TTYH3: variants seen among roughly 807,000 people sequenced by gnomAD.
TTYH3 encodes the protein tweety family member 3, also known as protein tweety homolog 3.
In TTYH3, 23 loss-of-function variants were observed where a neutral mutation model predicts 68.2. The observed-to-expected ratio is 0.34, with a 90% CI of 0.24 to 0.48. The LOEUF (loss-of-function observed/expected upper bound fraction) is 0.48. TTYH3 is among the 20% of genes least tolerant of loss of function. TTYH3 has a pLI of 0.99. For missense variants in TTYH3, 768 were observed against 727.7 expected, an observed-to-expected ratio of 1.06 and a Z score of -0.64; for synonymous variants, 360 against 332.8, an observed-to-expected ratio of 1.08 and a Z score of -0.89.
Position 2,657,703 on chromosome 7 carries a change from G to A in TTYH3, c.1251-583G>A, listed in dbSNP as rs535665830. ...CGAGTGGGCACTTGAGCCACTGCAC[G>A]TGAGGGGCTTGGCTGGTGGCCCCTG... On this transcript the variant is annotated intron_variant, in intron 11 of 13. Coordinates refer to ENST00000258796, the MANE Select transcript of TTYH3 (RefSeq NM_025250.3). 7.9e-5 allele frequency among the ~76,000 whole-genome samples: 12 copies of A among 152,290 alleles called. No individual in the cohort carries two copies. In the East Asian group the frequency reaches 1.5e-3, roughly 20 times the overall value.
At chr7:2,652,032 T>G (rs1786194614) in intron 7 of TTYH3, among the ~76,000 whole-genome samples, 155 bp from the exon 8 acceptor site, 1 of 152,180 alleles carries the variant, frequency 6.6e-6, no homozygotes, top group Non-Finnish European at 1.5e-5. Flanking sequence ...TGCAGACACA[T>G]GCACATGTGT....
intron 13 of TTYH3, chr7:2,660,648 C>T (rs1311559167): frequency 7.6e-6 from 6 of 789,480 alleles, no homozygotes; most frequent in African/African-American, 3.7e-5. Context: ...CCACCCCCTC[C>T]GTGGCGTCCC....
chr7:2,632,058 G>C lies in TTYH3; in HGVS notation c.-98G>C. 9.1e-7 allele frequency: 1 copy of C among 1,103,500 alleles called. No individual in the cohort carries two copies. Among genetic ancestry groups the C allele is most frequent in the Non-Finnish European group, 1.1e-6 (1 of 883,458 alleles). 68.4% of individuals were successfully genotyped at this position (1,103,500 alleles called of 1,614,324 possible). A position where few individuals can be genotyped will look rare whatever the true frequency, so the allele number is the denominator to read the frequency against. On this transcript the variant is annotated 5_prime_UTR_variant, in exon 1 of 14. Coordinates refer to ENST00000258796, the MANE Select transcript of TTYH3 (RefSeq NM_025250.3). ...CCAGGAGCGCGCGGATGATGCGGGC[G>C]GCCAGGCGGGGGTCGACGGGTCCCT... is the stretch of plus-strand genomic sequence containing the variant.
chr7:2,650,079 C>A (rs980634917), intron 7 of TTYH3, 91 bp downstream of exon 7: 4 of 1,323,816 alleles, frequency 3.0e-6, no homozygotes, highest in Admixed American at 1.9e-5. Context: ...GACACCCCTG[C>A]CCTGTGGGTC....
chr7:2,652,135 G>T, intron 7 of TTYH3, 52 bp from the exon 8 acceptor site: 1 of 1,542,498 alleles, frequency 6.5e-7, no homozygotes, highest in Admixed American at 1.7e-5. Flanking sequence ...CGTGCACGCA[G>T]TCTCACAGGG....
chr7:2,656,243 A>G, intron 10 of TTYH3, 59 bp downstream of exon 10: 1 of 1,547,520 alleles, frequency 6.5e-7, no homozygotes, highest in South Asian at 1.2e-5. Context: ...ACAGGGGAGC[A>G]GCTGTTCGGG....
In TTYH3 at chr7:2,647,225, A is replaced by G; in HGVS notation, c.377A>G (p.Asn126Ser). Residue 126 changes from asparagine to serine, a missense_variant, in exon 3 of 14, where the codon AAC (asparagine) becomes AGC (serine). Coordinates refer to ENST00000258796, the MANE Select transcript of TTYH3 (RefSeq NM_025250.3). ...HRATYSLRHANRTVAGVQDRV... is the reference protein window; with the variant it reads ...HRATYSLRHASRTVAGVQDRV... ...GCCACCTACTCGCTCCGCCACGCCA[A>G]CCGCACGGTGGCCGGGGTCCAGGAC... 1 of 1,599,472 alleles carries G rather than the reference A, an allele frequency of 6.3e-7. No homozygotes were observed. The highest frequency in any genetic ancestry group is 8.5e-7 in the Non-Finnish European group (1 of 1,175,668).
chr7:2,640,403 T>G (rs371167727), intron 1 of TTYH3, among the ~76,000 whole-genome samples: 55 of 151,326 alleles, frequency 3.6e-4, no homozygotes, highest in Middle Eastern at 3.4e-3. Context: ...TGTGTGTGTG[T>G]GGGGGGGGAC....
chr7:2,662,085 T>G lies in TTYH3; in HGVS notation c.*346T>G. On this transcript the variant is annotated 3_prime_UTR_variant, in exon 14 of 14. Transcript: ENST00000258796. ...GTGTTGTTGCCGCCCGGCCCTTCCCTCCACAGCTCTCCTTCCTCCCGCCCG... is the reference window on the plus strand; with the variant it reads ...GTGTTGTTGCCGCCCGGCCCTTCCCGCCACAGCTCTCCTTCCTCCCGCCCG... 1 of 482,090 alleles carries G rather than the reference T, an allele frequency of 2.1e-6. No individual in the cohort carries two copies. The highest frequency in any genetic ancestry group is 3.8e-6 in the Non-Finnish European group (1 of 263,894). 29.9% of individuals were successfully genotyped at this position (482,090 alleles called of 1,614,324 possible).
Position 2,652,229 on chromosome 7 carries a change from A to C in TTYH3, c.914A>C (p.Asn305Thr). The part of the protein sequence containing the change: ...YYLACSPRAA[N>T]PFQQKLSGSH... The stretch of plus-strand genomic sequence containing the variant: ...CTGGCCTGCTCGCCCCGCGCCGCCA[A>C]CCCCTTCCAGCAGGTGAGAGCCTGG... Residue 305 changes from asparagine to threonine, a missense_variant, in exon 8 of 14, where the codon AAC becomes ACC. Physicochemically the swap from Asn to Thr is moderately conservative, Grantham distance 65. Transcript: ENST00000258796. 1 of 1,612,572 alleles carries C rather than the reference A, an allele frequency of 6.2e-7. No individual in the cohort carries two copies. The highest frequency in any genetic ancestry group is 1.7e-4 in the Middle Eastern group (1 of 5,958).
At chr7:2,651,044 G>A (rs1267696742) in intron 7 of TTYH3, among the ~76,000 whole-genome samples, 1 of 152,020 alleles carries the variant, frequency 6.6e-6, no homozygotes, top group East Asian at 1.9e-4. Context: ...GCAGGGAGCT[G>A]GGGCATCGGG....
chr7:2,652,811 C>A, intron 8 of TTYH3, 107 bp from the exon 9 acceptor site: 1 of 876,876 alleles, frequency 1.1e-6, no homozygotes, highest in Non-Finnish European at 1.8e-6. Flanking sequence ...CCTTGATGGT[C>A]TCCCAGGCTG....
At chr7:2,650,102 G>GCCC in intron 7 of TTYH3, 114 bp downstream of exon 7, 1 of 1,063,816 alleles carries the variant, frequency 9.4e-7, no homozygotes, top group Non-Finnish European at 1.4e-6. Flanking sequence ...TGGTCTCAGG[G>GCCC]AGACAGGTCC....
intron 1 of TTYH3, among the ~76,000 whole-genome samples, chr7:2,640,402 G>T (rs1407193152): frequency 1.6e-5 from 2 of 121,808 alleles, no homozygotes; most frequent in Non-Finnish European, 4.0e-5. Flanking sequence ...CTGTGTGTGT[G>T]TGGGGGGGGA....
At chr7:2,647,885 C>G (rs761638780) in intron 4 of TTYH3, 74 bp from the exon 5 acceptor site, 2 of 1,552,802 alleles carry the variant, frequency 1.3e-6, no homozygotes, top group African/African-American at 1.4e-5. Flanking sequence ...TCAGCTCCCC[C>G]TCAAGGGCCC....
At chr7:2,658,888 TG>T in intron 12 of TTYH3, 51 bp from the exon 13 acceptor site, 1 of 1,579,098 alleles carries the variant, frequency 6.3e-7, no homozygotes, top group Non-Finnish European at 8.7e-7. Flanking sequence ...GACCTGCAGC[TG>T]GGACTGCATG....
At chr7:2,649,455 G>T (rs1295163332) in intron 5 of TTYH3, 112 bp from the exon 6 acceptor site, 2 of 1,059,846 alleles carry the variant, frequency 1.9e-6, no homozygotes, top group African/African-American at 1.6e-5. Flanking sequence ...CCCAGCCCAT[G>T]TGTGGGCTGA....
intron 1 of TTYH3, among the ~76,000 whole-genome samples, chr7:2,637,518 G>A (rs551960631): frequency 2.1e-4 from 32 of 152,252 alleles, no homozygotes; most frequent in Admixed American, 5.2e-4. Flanking sequence ...TGGATACAGC[G>A]TCAGCACAGT....
chr7:2,647,181 C>T lies in TTYH3; in HGVS notation c.333C>T (p.Thr111=). 1 of 1,606,972 alleles carries T rather than the reference C, an allele frequency of 6.2e-7. No individual in the cohort carries two copies. The stretch of plus-strand genomic sequence containing the variant: ...TGGGATTCTACGGCAACGGGGAGAC[C>T]AGTGATGGCATCCATAGGGCCACCT... The part of the protein sequence containing the change: ...IAVGFYGNGE[T]SDGIHRATYS... The change falls in exon 3 of 14, where the codon ACC becomes ACT. Residue 111 remains threonine (T), a synonymous_variant. Coordinates refer to ENST00000258796, the MANE Select transcript of TTYH3 (RefSeq NM_025250.3).
Sources: allele counts gnomAD v4.1 joint callset (sites outside exome capture counted in the v4.1 genomes callset), GRCh38; gene constraint gnomAD v4.1.1; transcripts MANE v1.5; gene names NCBI Gene and HGNC (gene_info 2026-07-23, HGNC 2026-07-21).